Variants in ATG10 observed in about 807,000 individuals in gnomAD.
The protein encoded by ATG10 is autophagy related 10.
Under a neutral mutation model 32.1 loss-of-function variants are expected in ATG10, and 30 were observed. The ratio of observed to expected loss-of-function variants is 0.94; its 90% CI spans 0.70 to 1.27. The LOEUF is 1.27. Among genes scored for constraint, ATG10 ranks in the 50% most tolerant of loss-of-function variants. The pLI, the probability that ATG10 is intolerant of heterozygous loss-of-function variation, is 0.00. For missense variants in ATG10, 233 were observed against 262.3 expected (o/e 0.89, Z 0.77); for synonymous variants, 87 against 91.5 (o/e 0.95, Z 0.28).
intron 5 of ATG10, among the ~76,000 whole-genome samples, chr5:82,213,479 G>GTCTAAA (rs1268646881): frequency 3.9e-5 from 6 of 152,204 alleles, no homozygotes; most frequent in Non-Finnish European, 7.3e-5. Context: ...TAGAATGCCA[G>GTCTAAA]TGTATTAATT....
At chr5:82,073,988 A>G (rs1434918749) in intron 3 of ATG10, among the ~76,000 whole-genome samples, 1 of 152,242 alleles carries the variant, frequency 6.6e-6, no homozygotes, top group East Asian at 1.9e-4. Context: ...ATTCTGTATC[A>G]TAACTGTTAG....
intron 2 of ATG10, among the ~76,000 whole-genome samples, chr5:82,045,125 G>A (rs1027131055): frequency 5.3e-5 from 8 of 152,030 alleles, no homozygotes; most frequent in Non-Finnish European, 7.4e-5. Flanking sequence ...ACTGTTCTGC[G>A]CTGCCTGTGT....
chr5:82,183,384 T>G (rs1451817360), intron 5 of ATG10, among the ~76,000 whole-genome samples: 1 of 149,492 alleles, frequency 6.7e-6, no homozygotes, highest in East Asian at 2.1e-4. Flanking sequence ...TGTAGTGTTT[T>G]GCAGTCTTGA....
intron 5 of ATG10, among the ~76,000 whole-genome samples, chr5:82,228,141 G>C (rs903434121): frequency 2.6e-5 from 4 of 151,686 alleles, no homozygotes; most frequent in Non-Finnish European, 5.9e-5. Context: ...TGAGAGGTCA[G>C]GGCTGCAGTA....
At chr5:82,187,725 T>C (rs951804692) in intron 5 of ATG10, among the ~76,000 whole-genome samples, 9 of 151,694 alleles carry the variant, frequency 5.9e-5, no homozygotes, top group African/African-American at 2.2e-4. Flanking sequence ...GTAGCTGAGA[T>C]TGCAGGCGCC....
At chr5:82,217,665 A>G (rs140642472) in intron 5 of ATG10, among the ~76,000 whole-genome samples, 4 of 152,030 alleles carry the variant, frequency 2.6e-5, no homozygotes, top group African/African-American at 9.6e-5. Flanking sequence ...CTTTACATGC[A>G]TTGTCTCATT....
At chr5:82,037,156 T>A (rs1270024750) in intron 2 of ATG10, among the ~76,000 whole-genome samples, 52 of 127,232 alleles carry the variant, frequency 4.1e-4, no homozygotes, top group African/African-American at 1.2e-3. Context: ...AAAAAAAAAA[T>A]TCAGTTGAGT....
At chr5:82,100,487 T>C (rs1480477211) in intron 3 of ATG10, among the ~76,000 whole-genome samples, 4 of 152,130 alleles carry the variant, frequency 2.6e-5, no homozygotes, top group African/African-American at 9.7e-5. Flanking sequence ...CCTGCTGGGC[T>C]TCCCATGGCC....
At chr5:82,138,296 C>T (rs148741335) in intron 3 of ATG10, among the ~76,000 whole-genome samples, 1 of 152,322 alleles carries the variant, frequency 6.6e-6, no homozygotes, top group East Asian at 1.9e-4. Flanking sequence ...CCTGCAGCTA[C>T]CTTGGTGTCT....
intron 3 of ATG10, among the ~76,000 whole-genome samples, chr5:82,076,665 A>G (rs551172761): frequency 1.2e-4 from 18 of 152,332 alleles, no homozygotes; most frequent in African/African-American, 4.3e-4. Context: ...GTGTAGCCAG[A>G]GAGCTTAGTA....
chr5:82,168,624 G>A (rs926635827), intron 4 of ATG10, among the ~76,000 whole-genome samples: 1 of 152,156 alleles, frequency 6.6e-6, no homozygotes, highest in African/African-American at 2.4e-5. Flanking sequence ...AATTAAAAAT[G>A]TAGCCTAAAT....
At chr5:81,993,360 C>CTTTCTTTCTTTCTTTCTTTCCTTCT in intron 2 of ATG10, among the ~76,000 whole-genome samples, 2 of 46,770 alleles carry the variant, frequency 4.3e-5, no homozygotes, top group Non-Finnish European at 8.1e-5. Flanking sequence ...TCTTTCTTTC[C>CTTTCTTTCTTTCTTTCTTTCCTTCT]TTCTTTTCTT....
chr5:81,993,743 A>C (rs1329409484), intron 2 of ATG10, among the ~76,000 whole-genome samples: 1 of 152,080 alleles, frequency 6.6e-6, no homozygotes, highest in East Asian at 1.9e-4. Flanking sequence ...GGTTTCTGAC[A>C]CATAGAAAGC....
intron 3 of ATG10, among the ~76,000 whole-genome samples, chr5:82,103,574 C>T (rs1765349351): frequency 1.3e-5 from 2 of 152,054 alleles, no homozygotes; most frequent in South Asian, 2.1e-4. Context: ...TCCCCTGCCC[C>T]CAGGGACTTA....
At chr5:82,216,595 CAAT>C (rs1745688833) in intron 5 of ATG10, among the ~76,000 whole-genome samples, 1 of 152,128 alleles carries the variant, frequency 6.6e-6, no homozygotes. Flanking sequence ...AATGGGAGAT[CAAT>C]GACAGACTGG....
intron 5 of ATG10, among the ~76,000 whole-genome samples, chr5:82,202,002 C>T (rs1019764756): frequency 6.6e-6 from 1 of 152,176 alleles, no homozygotes; most frequent in Non-Finnish European, 1.5e-5. Flanking sequence ...CCTTGCTAAA[C>T]TCACTTAGTA....
Position 82,048,637 on chromosome 5 carries a change from A to G in ATG10, c.109-9858A>G, listed in dbSNP as rs1040706008. On this transcript the variant is annotated intron_variant, in intron 2 of 7. Coordinates refer to ENST00000282185, the MANE Select transcript of ATG10 (RefSeq NM_031482.5). Reference sequence around the variant, plus strand: ...ACCTACAAAATGGGAGAAAATTTTCACAACCTACTCATCTGACAGAGGGCT... The same window carrying G: ...ACCTACAAAATGGGAGAAAATTTTCGCAACCTACTCATCTGACAGAGGGCT... 1.1e-3 allele frequency among the ~76,000 whole-genome samples: 172 copies of G among 152,274 alleles called. 2 individuals are homozygous for G. Among genetic ancestry groups the G allele is most frequent in the Admixed American group, 2.2e-3 (34 of 15,288 alleles).
intron 5 of ATG10, among the ~76,000 whole-genome samples, chr5:82,230,748 A>T (rs1411412347): frequency 6.6e-6 from 1 of 151,044 alleles, no homozygotes; most frequent in Non-Finnish European, 1.5e-5. Flanking sequence ...AAAAAAAAAA[A>T]AAAAAAAAAG....
chr5:82,078,175 G>A (rs1764340628), intron 3 of ATG10, among the ~76,000 whole-genome samples: 1 of 152,160 alleles, frequency 6.6e-6, no homozygotes, highest in South Asian at 2.1e-4. Context: ...TACTTTCTTG[G>A]ATGGTTAGTT....
Sources: gnomAD v4.1 joint callset for allele counts (sites outside exome capture counted in the v4.1 genomes callset) on GRCh38, gnomAD v4.1.1 for gene constraint, MANE v1.5 for transcripts, NCBI Gene and HGNC (gene_info 2026-07-23, HGNC 2026-07-21) for gene names.